Variants in NR6A1 observed in about 807,000 individuals in gnomAD.
NR6A1 encodes the protein nuclear receptor subfamily 6 group A member 1, also known as retinoic acid receptor-related testis-associated receptor.
NR6A1 carries 7 observed loss-of-function variants against 59.1 expected under a neutral mutation model. The ratio of observed to expected loss-of-function variants is 0.12; its 90% CI spans 0.07 to 0.22. The LOEUF (loss-of-function observed/expected upper bound fraction) is 0.22. Ranked by LOEUF, NR6A1 falls within the 10% of genes least tolerant of loss-of-function variation. The probability of loss-of-function intolerance (pLI) is 1.00; values close to 1 mark genes in which losing one functional copy is unlikely to be tolerated. For synonymous variants in NR6A1, 243 were observed against 236.1 expected, an observed-to-expected ratio of 1.03 and a Z score of -0.27; for missense variants, 468 against 611.6, an observed-to-expected ratio of 0.77 and a Z score of 2.48.
At chr9:124,523,603 A>C (rs1045112964) in intron 9 of NR6A1, among the ~76,000 whole-genome samples, 7 of 151,826 alleles carry the variant, frequency 4.6e-5, no homozygotes, top group Non-Finnish European at 1.0e-4. Context: ...AGTGGCATGT[A>C]ATTGTTGACT....
chr9:124,714,665 G>T (rs2131079577), intron 2 of NR6A1, among the ~76,000 whole-genome samples: 2 of 151,920 alleles, frequency 1.3e-5, no homozygotes, highest in East Asian at 3.9e-4. Flanking sequence ...AAAGTTACTA[G>T]AACTAACAAA....
At chr9:124,716,862 C>T (rs1267145372) in intron 2 of NR6A1, among the ~76,000 whole-genome samples, 2 of 152,166 alleles carry the variant, frequency 1.3e-5, no homozygotes, top group Non-Finnish European at 2.9e-5. Flanking sequence ...GTCTCGAACT[C>T]CTGGGCTCAA....
At chr9:124,680,250 C>T (rs975036779) in intron 2 of NR6A1, among the ~76,000 whole-genome samples, 5 of 152,128 alleles carry the variant, frequency 3.3e-5, no homozygotes, top group East Asian at 1.9e-4. Context: ...CATCTGGACA[C>T]TGTTTGGCAT....
intron 1 of NR6A1, among the ~76,000 whole-genome samples, chr9:124,746,134 G>C (rs1840327320): frequency 6.6e-6 from 1 of 151,748 alleles, no homozygotes; most frequent in Admixed American, 6.6e-5. Context: ...ACAATTCTGG[G>C]CACTAATCTT....
chr9:124,593,053 A>C (rs1367670215), intron 2 of NR6A1, among the ~76,000 whole-genome samples: 1 of 152,234 alleles, frequency 6.6e-6, no homozygotes, highest in East Asian at 1.9e-4. Flanking sequence ...TAGTGTTTTA[A>C]ATATCACAAT....
At chr9:124,524,956 T>C in intron 8 of NR6A1, 83 bp from the exon 9 acceptor site, 1 of 1,435,564 alleles carries the variant, frequency 7.0e-7, no homozygotes, top group African/African-American at 1.4e-5. Flanking sequence ...GCTCCTTAAA[T>C]ATGTTCATTT....
chr9:124,733,834 G>T (rs1839950228), intron 1 of NR6A1, among the ~76,000 whole-genome samples: 1 of 152,090 alleles, frequency 6.6e-6, no homozygotes, highest in African/African-American at 2.4e-5. Flanking sequence ...AAATGCTGAA[G>T]AATTTTACCT....
At chr9:124,722,726 G>A (rs1038503449) in intron 2 of NR6A1, among the ~76,000 whole-genome samples, 2 of 152,060 alleles carry the variant, frequency 1.3e-5, no homozygotes, top group East Asian at 1.9e-4. Context: ...TTTAATTTAC[G>A]TTTTTTCTGA....
At chr9:124,743,622 C>T (rs1476811519) in intron 1 of NR6A1, among the ~76,000 whole-genome samples, 1 of 152,170 alleles carries the variant, frequency 6.6e-6, no homozygotes, top group East Asian at 1.9e-4. Context: ...GCAATTACAG[C>T]CTTGAAACCA....
At chr9:124,594,477 C>T (rs1835215743) in intron 2 of NR6A1, among the ~76,000 whole-genome samples, 2 of 152,180 alleles carry the variant, frequency 1.3e-5, no homozygotes, top group Admixed American at 1.3e-4. Flanking sequence ...GGGACTCTGC[C>T]AGCTCCTAAA....
chr9:124,665,666 C>G (rs983796961), intron 2 of NR6A1, among the ~76,000 whole-genome samples: 1 of 152,124 alleles, frequency 6.6e-6, no homozygotes, highest in African/African-American at 2.4e-5. Context: ...CAGCAGTTAC[C>G]ATTTCCTTTA....
At chr9:124,654,875 T>TTCACAC (rs376956125) in intron 2 of NR6A1, among the ~76,000 whole-genome samples, 1 of 123,876 alleles carries the variant, frequency 8.1e-6, no homozygotes, top group African/African-American at 3.1e-5. Context: ...TTTTTTTTTG[T>TTCACAC]ACACACACAC....
At chr9:124,731,378 A>AAAAAAAAG (rs1267411624) in intron 2 of NR6A1, among the ~76,000 whole-genome samples, 1 of 152,014 alleles carries the variant, frequency 6.6e-6, no homozygotes, top group Non-Finnish European at 1.5e-5. Flanking sequence ...TCGAAAAAAA[A>AAAAAAAAG]AAAAAAAGAA....
chr9:124,731,332 T>C (rs573383335), intron 2 of NR6A1, among the ~76,000 whole-genome samples: 2 of 149,730 alleles, frequency 1.3e-5, no homozygotes, highest in African/African-American at 4.9e-5. Context: ...ATCGTGCCAC[T>C]GCACTCCAGC....
chr9:124,697,155 T>C (rs1407733295), intron 2 of NR6A1, among the ~76,000 whole-genome samples: 2 of 152,156 alleles, frequency 1.3e-5, no homozygotes, highest in African/African-American at 2.4e-5. Context: ...AGGATTCCAC[T>C]TTTGGAACAG....
chr9:124,674,212 C>A (rs1437730094), intron 2 of NR6A1, among the ~76,000 whole-genome samples: 3 of 152,136 alleles, frequency 2.0e-5, no homozygotes, highest in South Asian at 4.1e-4. Flanking sequence ...AATTCACACA[C>A]CCTTAAGATT....
At chr9:124,653,290 G>A (rs552236854) in intron 2 of NR6A1, among the ~76,000 whole-genome samples, 1 of 147,560 alleles carries the variant, frequency 6.8e-6, no homozygotes, top group African/African-American at 2.5e-5. Context: ...TTTTTTTTTA[G>A]TAAAAAGAAG....
intron 2 of NR6A1, chr9:124,599,343 CG>C: frequency 2.8e-6 from 1 of 357,094 alleles, no homozygotes; most frequent in South Asian, 2.3e-5. Flanking sequence ...CGCTTGAACC[CG>C]GGAGGCGGAG....
At chr9:124,611,478 C>G (rs1429986772) in intron 2 of NR6A1, among the ~76,000 whole-genome samples, 1 of 152,104 alleles carries the variant, frequency 6.6e-6, no homozygotes, top group Non-Finnish European at 1.5e-5. Flanking sequence ...GTTCACACCT[C>G]TGATCCTAAC....
Sources: gnomAD v4.1 joint callset for allele counts (sites outside exome capture counted in the v4.1 genomes callset) on GRCh38, gnomAD v4.1.1 for gene constraint, MANE v1.5 for transcripts, NCBI Gene and HGNC (gene_info 2026-07-23, HGNC 2026-07-21) for gene names.